The following ADAMTSL1 variants were observed in gnomAD, a reference collection of about 807,000 sequenced individuals.
ADAMTSL1 encodes ADAMTS-like protein 1.
A neutral mutation model predicts 201.8 loss-of-function variants in ADAMTSL1; 126 were observed. That is an observed-to-expected ratio of 0.62 (90% CI 0.54 to 0.72). ADAMTSL1 has a LOEUF of 0.72. Ranked by LOEUF, ADAMTSL1 falls within the 30% of genes least tolerant of loss-of-function variation. The pLI is 0.00. For synonymous variants in ADAMTSL1, 1,121 were observed against 903.4 expected (o/e 1.24, Z -4.32); for missense variants, 2,679 against 2,277.8 (o/e 1.18, Z -3.59).
intron 26 of ADAMTSL1, among the ~76,000 whole-genome samples, chr9:18,901,066 G>A (rs1237861524): frequency 6.6e-6 from 1 of 151,888 alleles, no homozygotes; most frequent in South Asian, 2.1e-4. Flanking sequence ...GCTTCCTGAG[G>A]CCTCACCACA....
chr9:18,597,022 G>T (rs865792092), intron 4 of ADAMTSL1, among the ~76,000 whole-genome samples: 2 of 152,164 alleles, frequency 1.3e-5, no homozygotes, highest in Admixed American at 6.5e-5. Flanking sequence ...TAGCCAATTA[G>T]ATTGAGAACT....
intron 2 of ADAMTSL1, among the ~76,000 whole-genome samples, chr9:18,273,888 G>T (rs928175938): frequency 3.9e-5 from 6 of 152,166 alleles, no homozygotes; most frequent in African/African-American, 1.4e-4. Context: ...CTTAATCATT[G>T]TCAACTGTGC....
At chr9:18,298,274 C>G (rs1054171330) in intron 2 of ADAMTSL1, among the ~76,000 whole-genome samples, 1 of 152,010 alleles carries the variant, frequency 6.6e-6, no homozygotes, top group Non-Finnish European at 1.5e-5. Flanking sequence ...ACCAGAGAGC[C>G]GTGCAGGGTA....
chr9:18,697,139 C>T (rs1321585323), intron 13 of ADAMTSL1, among the ~76,000 whole-genome samples: 6 of 151,912 alleles, frequency 3.9e-5, no homozygotes, highest in Non-Finnish European at 7.4e-5. Flanking sequence ...ACCTCAGCCC[C>T]CCCAAGTGCT....
intron 3 of ADAMTSL1, among the ~76,000 whole-genome samples, chr9:18,554,176 A>AATCTAC (rs1820965524): frequency 6.6e-6 from 1 of 151,398 alleles, no homozygotes; most frequent in African/African-American, 2.4e-5. Flanking sequence ...TTTTTTTTTA[A>AATCTAC]ATCTACATGA....
intron 23 of ADAMTSL1, among the ~76,000 whole-genome samples, chr9:18,844,861 C>T (rs1206993340): frequency 6.6e-6 from 1 of 152,228 alleles, no homozygotes; most frequent in African/African-American, 2.4e-5. Context: ...GATATAATCT[C>T]CTGGTGTGCC....
At chr9:18,139,681 C>T (rs1260906139) in intron 1 of ADAMTSL1, among the ~76,000 whole-genome samples, 1 of 152,100 alleles carries the variant, frequency 6.6e-6, no homozygotes, top group Non-Finnish European at 1.5e-5. Flanking sequence ...TATGTGACTG[C>T]TATGTAGGTT....
chr9:18,156,170 C>T (rs1037623030), intron 1 of ADAMTSL1, among the ~76,000 whole-genome samples: 31 of 151,932 alleles, frequency 2.0e-4, no homozygotes, highest in Admixed American at 1.6e-3. Flanking sequence ...GAACAGCCCT[C>T]GGAAATCATG....
intron 1 of ADAMTSL1, among the ~76,000 whole-genome samples, chr9:18,044,821 G>T (rs1301427863): frequency 6.6e-6 from 1 of 152,182 alleles, no homozygotes; most frequent in Admixed American, 6.5e-5. Flanking sequence ...ATACAGATCA[G>T]TTGGCTACTG....
At chr9:17,981,432 A>T (rs1381158692) in intron 1 of ADAMTSL1, among the ~76,000 whole-genome samples, 1 of 152,132 alleles carries the variant, frequency 6.6e-6, no homozygotes, top group African/African-American at 2.4e-5. Flanking sequence ...TAAACATCTA[A>T]AGTCACTACA....
intron 7 of ADAMTSL1, among the ~76,000 whole-genome samples, chr9:18,657,152 GA>G (rs1828738717): frequency 6.6e-6 from 1 of 152,228 alleles, no homozygotes; most frequent in African/African-American, 2.4e-5. Flanking sequence ...AAATGGACAA[GA>G]AGCCCAATAT....
At chr9:18,524,703 T>C (rs1818921905) in intron 2 of ADAMTSL1, among the ~76,000 whole-genome samples, 1 of 152,194 alleles carries the variant, frequency 6.6e-6, no homozygotes, top group Non-Finnish European at 1.5e-5. Context: ...GATAATCATG[T>C]GGTTTTTGTC....
At position 18,865,933 on chromosome 9, in the gene ADAMTSL1, G is replaced by A. The variant is rs548986131; in HGVS notation, c.4250-21898G>A. Among the ~76,000 whole-genome samples, 37 of 152,070 alleles carry A rather than the reference G, an allele frequency of 2.4e-4. 1 individual carries two copies. In the South Asian group the frequency reaches 7.5e-3, roughly 31 times the overall value. ...ATGCTCCGCATATACGTAGCTGGGA[G>A]GGAAACAGAAAAGAGAGATGCTAGC... On this transcript the variant is annotated intron_variant, in intron 23 of 28. Transcript: ENST00000380548.
chr9:18,856,686 G>T (rs189676825), intron 23 of ADAMTSL1, among the ~76,000 whole-genome samples: 1 of 151,944 alleles, frequency 6.6e-6, no homozygotes, highest in African/African-American at 2.4e-5. Context: ...TTGAACTACT[G>T]GCCTCAAGCA....
intron 2 of ADAMTSL1, among the ~76,000 whole-genome samples, chr9:18,239,795 G>A (rs938982618): frequency 3.3e-5 from 5 of 150,840 alleles, no homozygotes; most frequent in African/African-American, 4.9e-5. Flanking sequence ...AGGAAGGAGG[G>A]AAAGAAAGAA....
At chr9:18,732,183 A>G (rs936891210) in intron 15 of ADAMTSL1, among the ~76,000 whole-genome samples, 5 of 152,226 alleles carry the variant, frequency 3.3e-5, no homozygotes, top group African/African-American at 4.8e-5. Context: ...ACCATATGAT[A>G]TAGACCTTCA....
intron 2 of ADAMTSL1, among the ~76,000 whole-genome samples, chr9:18,338,759 A>G (rs1013347594): frequency 6.6e-6 from 1 of 152,012 alleles, no homozygotes; most frequent in African/African-American, 2.4e-5. Flanking sequence ...TAGTTTTTGA[A>G]TACCCTCCCT....
At chr9:18,662,995 T>A (rs1413940658) in intron 9 of ADAMTSL1, among the ~76,000 whole-genome samples, 2 of 152,194 alleles carry the variant, frequency 1.3e-5, no homozygotes, top group Admixed American at 6.5e-5. Context: ...AACATCTCAA[T>A]GTTATTTTTT....
chr9:18,301,048 C>G (rs1833690966), intron 2 of ADAMTSL1, among the ~76,000 whole-genome samples: 1 of 152,098 alleles, frequency 6.6e-6, no homozygotes, highest in East Asian at 1.9e-4. Context: ...CTTAACTCCA[C>G]AGTAAATACT....
Sources: gnomAD v4.1 joint callset for allele counts (sites outside exome capture counted in the v4.1 genomes callset) on GRCh38, gnomAD v4.1.1 for gene constraint, MANE v1.5 for transcripts, NCBI Gene and HGNC (gene_info 2026-07-23, HGNC 2026-07-21) for gene names.